Variants in POU6F2 observed in about 807,000 individuals in gnomAD.
The protein encoded by POU6F2 is POU domain, class 6, transcription factor 2.
A neutral mutation model predicts 71.3 loss-of-function variants in POU6F2; 31 were observed. The ratio of observed to expected loss-of-function variants is 0.43; its 90% CI spans 0.33 to 0.59. The LOEUF (loss-of-function observed/expected upper bound fraction) is 0.59, where lower values mean the gene tolerates loss of function less well. Among genes scored for constraint, POU6F2 ranks in the 20% least tolerant of loss-of-function variants. POU6F2 has a pLI of 0.04. For missense variants in POU6F2, 783 were observed against 856.8 expected (o/e 0.91, Z 1.07); for synonymous variants, 347 against 355.7 (o/e 0.98, Z 0.27).
At chr7:39,361,192 T>A (rs1786382128) in intron 5 of POU6F2, among the ~76,000 whole-genome samples, 1 of 152,244 alleles carries the variant, frequency 6.6e-6, no homozygotes, top group Non-Finnish European at 1.5e-5. Flanking sequence ...CAAGATTGGC[T>A]GCATAAATGT....
intron 4 of POU6F2, among the ~76,000 whole-genome samples, chr7:39,268,786 T>A (rs775961222): frequency 1.4e-4 from 21 of 152,218 alleles, no homozygotes; most frequent in Admixed American, 3.9e-4. Context: ...TTTCCAGGAA[T>A]GCAACCACCC....
At chr7:39,115,013 A>G (rs1401323716) in intron 2 of POU6F2, among the ~76,000 whole-genome samples, 1 of 152,208 alleles carries the variant, frequency 6.6e-6, no homozygotes, top group Non-Finnish European at 1.5e-5. Context: ...TAAAATATAT[A>G]TAATTAGCAA....
chr7:39,041,173 G>A (rs1790186879), intron 1 of POU6F2, among the ~76,000 whole-genome samples: 1 of 152,070 alleles, frequency 6.6e-6, no homozygotes, highest in African/African-American at 2.4e-5. Context: ...TTCCAAGTCA[G>A]TACATATAGC....
At chr7:39,164,426 G>A (rs1459971915) in intron 2 of POU6F2, among the ~76,000 whole-genome samples, 1 of 132,452 alleles carries the variant, frequency 7.5e-6, no homozygotes, top group Admixed American at 7.3e-5. Flanking sequence ...TTCCATCCCA[G>A]AGTTCCACCT....
chr7:39,394,308 T>G (rs1787131614), intron 5 of POU6F2, among the ~76,000 whole-genome samples: 1 of 152,230 alleles, frequency 6.6e-6, no homozygotes, highest in South Asian at 2.1e-4. Flanking sequence ...TTTTGGTCAG[T>G]CAGCAGTTTA....
At chr7:39,106,997 T>C (rs1184671153) in intron 2 of POU6F2, among the ~76,000 whole-genome samples, 1 of 152,058 alleles carries the variant, frequency 6.6e-6, no homozygotes, top group Non-Finnish European at 1.5e-5. Context: ...TATTTTTCAC[T>C]TCTTTTGCTG....
Position 39,011,884 on chromosome 7 carries a change from G to A in POU6F2, c.105+33826G>A, listed in dbSNP as rs550334552. 8.4e-3 allele frequency among the ~76,000 whole-genome samples: 1,275 copies of A among 151,442 alleles called. 10 individuals are homozygous for A. The highest frequency in any genetic ancestry group is 0.029 in the African/African-American group (1,179 of 41,276). On this transcript the variant is annotated intron_variant, in intron 1 of 9. Coordinates refer to ENST00000518318, the MANE Select transcript of POU6F2 (RefSeq NM_001370959.1). ...TCTTCTGGCTTGTAGGGTTTCTGCC[G>A]AGAGATCCGCTGTTCGTCTGATGGG...
chr7:39,117,925 A>G (rs1421511639), intron 2 of POU6F2, among the ~76,000 whole-genome samples: 1 of 152,016 alleles, frequency 6.6e-6, no homozygotes, highest in Admixed American at 6.6e-5. Flanking sequence ...GCCAAAAACA[A>G]AGGCACTGAG....
At chr7:39,101,446 ATT>A (rs34625792) in intron 2 of POU6F2, among the ~76,000 whole-genome samples, 153 of 141,622 alleles carry the variant, frequency 1.1e-3, no homozygotes, top group East Asian at 3.9e-3. Context: ...TCTAGGCAAG[ATT>A]TTTTTTTTTT....
intron 7 of POU6F2, among the ~76,000 whole-genome samples, chr7:39,446,342 T>C (rs564629898): frequency 6.6e-6 from 1 of 152,368 alleles, no homozygotes; most frequent in East Asian, 1.9e-4. Flanking sequence ...CCAAGTGAGT[T>C]TCTTTATATT....
At chr7:39,003,777 G>A (rs1186724277) in intron 1 of POU6F2, among the ~76,000 whole-genome samples, 1 of 151,510 alleles carries the variant, frequency 6.6e-6, no homozygotes, top group South Asian at 2.1e-4. Flanking sequence ...GAGTGATTAA[G>A]CATATTAAAT....
At chr7:39,060,441 T>C (rs532771767) in intron 1 of POU6F2, among the ~76,000 whole-genome samples, 3 of 152,318 alleles carry the variant, frequency 2.0e-5, no homozygotes, top group African/African-American at 4.8e-5. Flanking sequence ...TTATACACTT[T>C]AAAATGGTGA....
intron 2 of POU6F2, among the ~76,000 whole-genome samples, chr7:39,136,017 A>G (rs992303993): frequency 6.6e-6 from 1 of 152,210 alleles, no homozygotes; most frequent in Non-Finnish European, 1.5e-5. Flanking sequence ...TAGCAACTAC[A>G]ACTATGAATT....
chr7:39,107,039 C>CTTTTTTTTTTTTTTTTT (rs70977458), intron 2 of POU6F2, among the ~76,000 whole-genome samples: 1 of 130,912 alleles, frequency 7.6e-6, no homozygotes, highest in Non-Finnish European at 1.6e-5. Context: ...TTCTTTCTTT[C>CTTTTTTTTTTTTTTTTT]TTTTTTTTTT....
At position 39,130,089 on chromosome 7, in the gene POU6F2, AAT is replaced by A. The variant is rs1338162084; in HGVS notation, c.277+44059_277+44060del. 3.7e-4 allele frequency among the ~76,000 whole-genome samples: 56 copies of A among 150,156 alleles called. 1 individual carries two copies. In the East Asian group the frequency reaches 5.4e-3, roughly 15 times the overall value. On this transcript the variant is annotated intron_variant, in intron 2 of 9. Coordinates refer to ENST00000518318, the MANE Select transcript of POU6F2 (RefSeq NM_001370959.1). Reference sequence around the variant, plus strand: ...CTCAAAAAAAAAAAAAAAAAAAAAAAATTTCACAGCATGCACTTAAGTAAAAT... The same window carrying A: ...CTCAAAAAAAAAAAAAAAAAAAAAAATTCACAGCATGCACTTAAGTAAAAT...
At chr7:39,340,284 G>C (rs1045681389) in intron 5 of POU6F2, among the ~76,000 whole-genome samples, 2 of 152,212 alleles carry the variant, frequency 1.3e-5, no homozygotes, top group Non-Finnish European at 1.5e-5. Context: ...AGCACTATAA[G>C]TGCATTTGGA....
At position 39,464,089 on chromosome 7, in the gene POU6F2, T is replaced by C. The variant is rs1789011043; in HGVS notation, c.1659-93T>C. 2.0e-6 allele frequency: 3 copies of C among 1,476,944 alleles called. No homozygotes were observed. Among genetic ancestry groups the C allele is most frequent in the East Asian group, 4.6e-5 (2 of 43,920 alleles). 91.5% of individuals were successfully genotyped at this position (1,476,944 alleles called of 1,614,324 possible). On this transcript the variant is annotated intron_variant, in intron 9 of 9. Coordinates refer to ENST00000518318, the MANE Select transcript of POU6F2 (RefSeq NM_001370959.1). This position sits in a 1 kb window ranked among gnomAD's most constrained non-coding sequence, Gnocchi z 4.1. ...CAGCTGGCTATTAACCTGCAGTAAA[T>C]TCGCCCTGCCAGGCAGTCAGGCAGG...
chr7:38,995,901 A>G (rs1182105518), intron 1 of POU6F2, among the ~76,000 whole-genome samples: 1 of 152,176 alleles, frequency 6.6e-6, no homozygotes, highest in African/African-American at 2.4e-5. Context: ...TACTTCTTGT[A>G]TCTATCCTCA....
chr7:39,326,044 C>G (rs1785497880), intron 4 of POU6F2, among the ~76,000 whole-genome samples: 1 of 152,112 alleles, frequency 6.6e-6, no homozygotes, highest in Non-Finnish European at 1.5e-5. Flanking sequence ...AATTTTAAAC[C>G]TTTTAACCTC....
Sources: allele counts gnomAD v4.1 joint callset (sites outside exome capture counted in the v4.1 genomes callset), GRCh38; gene constraint gnomAD v4.1.1; non-coding constraint Gnocchi (gnomAD v3.1); transcripts MANE v1.5; gene names NCBI Gene and HGNC (gene_info 2026-07-23, HGNC 2026-07-21).